Variants in LAMB4 observed in about 807,000 individuals in gnomAD.
LAMB4 encodes laminin subunit beta 4.
Under a neutral mutation model 199.2 loss-of-function variants are expected in LAMB4, and 196 were observed. That is an observed-to-expected ratio of 0.98 (90% CI 0.88 to 1.11). The LOEUF (loss-of-function observed/expected upper bound fraction) is 1.11. LAMB4 is among the 50% of genes least tolerant of loss of function. The pLI is 0.00. For synonymous variants in LAMB4, 744 were observed against 770.6 expected (o/e 0.97, Z 0.57); for missense variants, 2,080 against 2,171.2 (o/e 0.96, Z 0.83).
intron 10 of LAMB4, among the ~76,000 whole-genome samples, chr7:108,099,547 G>GT (rs2037745650): frequency 6.6e-6 from 1 of 152,160 alleles, no homozygotes; most frequent in Non-Finnish European, 1.5e-5. Flanking sequence ...TGTGGCTTTG[G>GT]TATGGATGAC....
At chr7:108,029,323 A>T (rs957324794) in intron 32 of LAMB4, 127 bp from the exon 33 acceptor site, 8 of 612,000 alleles carry the variant, frequency 1.3e-5, no homozygotes, top group Admixed American at 4.0e-5. Flanking sequence ...AATACACTTG[A>T]GTTGCTCTGA....
intron 1 of LAMB4, among the ~76,000 whole-genome samples, chr7:108,128,066 G>A (rs996233195): frequency 2.6e-5 from 4 of 152,072 alleles, no homozygotes; most frequent in Non-Finnish European, 5.9e-5. Flanking sequence ...TATGGAACAC[G>A]GTCGATACAG....
At chr7:108,128,465 G>C (rs1453648198) in intron 1 of LAMB4, among the ~76,000 whole-genome samples, 2 of 152,148 alleles carry the variant, frequency 1.3e-5, no homozygotes, top group African/African-American at 4.8e-5. Flanking sequence ...CGCTGAGCTT[G>C]AGAAACTTTC....
intron 33 of LAMB4, chr7:108,026,881 C>T (rs1207277625): frequency 1.9e-6 from 1 of 517,742 alleles, no homozygotes; most frequent in South Asian, 1.4e-5. Context: ...AAATCAATGT[C>T]TCATTTTTCT....
intron 19 of LAMB4, among the ~76,000 whole-genome samples, chr7:108,067,449 T>C (rs923797441): frequency 2.0e-5 from 3 of 152,240 alleles, no homozygotes; most frequent in South Asian, 4.1e-4. Flanking sequence ...TACCTGAACA[T>C]ATTAGCCATG....
At position 108,039,848 on chromosome 7, in the gene LAMB4, C is replaced by G. The variant is rs552064394; in HGVS notation, c.4472-2253G>C. ...AAAGCTGAAGCATTCTCCTTGAAAA[C>G]CAGCACAAGACAAGGATGCCCTCTC... On this transcript the variant is annotated intron_variant, in intron 29 of 33. Coordinates refer to ENST00000388781, the MANE Select transcript of LAMB4 (RefSeq NM_007356.3). 5.3e-5 allele frequency among the ~76,000 whole-genome samples: 8 copies of G among 152,270 alleles called. No homozygotes were observed. In the South Asian group the frequency reaches 1.5e-3, roughly 28 times the overall value.
intron 6 of LAMB4, among the ~76,000 whole-genome samples, chr7:108,107,167 C>A (rs2038050262): frequency 6.6e-6 from 1 of 152,174 alleles, no homozygotes; most frequent in South Asian, 2.1e-4. Context: ...GCCACTAATT[C>A]TTTCTGCTCT....
intron 25 of LAMB4, 58 bp from the exon 26 acceptor site, chr7:108,052,315 G>A: frequency 7.4e-7 from 1 of 1,358,380 alleles, no homozygotes; most frequent in South Asian, 1.9e-5. Flanking sequence ...ATATATTGGT[G>A]AAAAAAATGC....
intron 23 of LAMB4, 29 bp from the exon 24 acceptor site, chr7:108,057,957 G>A: frequency 6.7e-7 from 1 of 1,493,636 alleles, no homozygotes; most frequent in Non-Finnish European, 9.3e-7. Flanking sequence ...GTGAGGAATT[G>A]ACAAGTTTTA....
chr7:108,124,730 T>C (rs2038719644), intron 1 of LAMB4, among the ~76,000 whole-genome samples: 1 of 152,210 alleles, frequency 6.6e-6, no homozygotes, highest in African/African-American at 2.4e-5. Flanking sequence ...TTTCACGTAT[T>C]TTCAAGTGAG....
downstream of LAMB4, among the ~76,000 whole-genome samples, chr7:108,023,338 G>A (rs555659356): frequency 6.6e-6 from 1 of 152,176 alleles, no homozygotes; most frequent in African/African-American, 2.4e-5. Context: ...ATTTTGAAAT[G>A]AGACAATCTT....
chr7:108,092,903 C>CA, intron 12 of LAMB4, among the ~76,000 whole-genome samples: 1 of 152,036 alleles, frequency 6.6e-6, no homozygotes, highest in Admixed American at 6.5e-5. Flanking sequence ...CACTCCATCT[C>CA]AAAAAAATTT....
At chr7:108,099,378 T>C (rs2037739516) in intron 10 of LAMB4, among the ~76,000 whole-genome samples, 1 of 152,182 alleles carries the variant, frequency 6.6e-6, no homozygotes, top group African/African-American at 2.4e-5. Flanking sequence ...TGTTGACAGT[T>C]TGAGTTAATT....
rs147728860 is a variant in LAMB4 at position 108,079,643 on chromosome 7, G to C, written c.1845C>G (p.Pro615=). ...TGGCAATGGTGAAGTCCACAGGAAA[G>C]GGAATGTTGTTGACAGCAAATCTCA... The part of the protein sequence containing the change: ...AGLRFAVNNI[P]FPVDFTIAIH... Residue 615 remains proline (P), a synonymous_variant, in exon 15 of 34, where the codon CCC becomes CCG. Coordinates refer to ENST00000388781, the MANE Select transcript of LAMB4 (RefSeq NM_007356.3). The C allele has an allele frequency of 1.4e-5, 22 of 1,612,848 alleles. No individual in the cohort carries two copies. In the East Asian group the frequency reaches 2.7e-4, roughly 20 times the overall value.
intron 11 of LAMB4, among the ~76,000 whole-genome samples, chr7:108,097,708 C>G (rs531959915): frequency 2.0e-5 from 3 of 151,396 alleles, no homozygotes; most frequent in Non-Finnish European, 4.4e-5. Flanking sequence ...AGCGAGACTC[C>G]GTCTCACAAA....
chr7:108,128,847 G>A (rs2038885172), intron 1 of LAMB4, among the ~76,000 whole-genome samples: 1 of 152,146 alleles, frequency 6.6e-6, no homozygotes, highest in Admixed American at 6.5e-5. Context: ...ATTCATCAGT[G>A]AGTTTTAGTA....
At chr7:108,070,793 G>A (rs1322722117) in intron 17 of LAMB4, among the ~76,000 whole-genome samples, 1 of 152,114 alleles carries the variant, frequency 6.6e-6, no homozygotes, top group Non-Finnish European at 1.5e-5. Context: ...CTGCATGGGG[G>A]TGTTGACACC....
Position 108,065,764 on chromosome 7 carries a change from G to A in LAMB4, c.2834C>T (p.Thr945Met), listed in dbSNP as rs371429199. The A allele has an allele frequency of 1.2e-5, 20 of 1,613,502 alleles. 1 individual carries two copies. Among genetic ancestry groups the A allele is most frequent in the South Asian group, 9.9e-5 (9 of 91,026 alleles). ...GCATCAAGCACTATACTGCATACCC[G>A]TATAACCTTGAAGACAATTGCAGAT... ...DVICNCLQGYTGTQCGECSTG... is the reference protein window; with the variant it reads ...DVICNCLQGYMGTQCGECSTG... Residue 945 changes from threonine (T) to methionine (M), a missense_variant and splice_region_variant, in exon 21 of 34, where the codon ACG becomes ATG. Transcript: ENST00000388781.
intron 12 of LAMB4, among the ~76,000 whole-genome samples, 154 bp downstream of exon 12, chr7:108,095,074 T>C (rs1034646647): frequency 1.3e-5 from 2 of 152,122 alleles, no homozygotes; most frequent in African/African-American, 4.8e-5. Flanking sequence ...TGATAGGTAG[T>C]GTTTGCTGAT....
Sources: gnomAD v4.1 joint callset for allele counts (sites outside exome capture counted in the v4.1 genomes callset) on GRCh38, gnomAD v4.1.1 for gene constraint, MANE v1.5 for transcripts, NCBI Gene and HGNC (gene_info 2026-07-23, HGNC 2026-07-21) for gene names.